The following ADAM10 variants were observed in gnomAD, a reference collection of about 807,000 sequenced individuals.
The protein encoded by ADAM10 is disintegrin and metalloproteinase domain-containing protein 10.
In ADAM10, 17 loss-of-function variants were observed where a neutral mutation model predicts 90.1. That is an observed-to-expected ratio of 0.19 (90% CI 0.13 to 0.28). ADAM10 has a LOEUF of 0.28. Among genes scored for constraint, ADAM10 ranks in the 10% least tolerant of loss-of-function variants. The pLI is 1.00. For synonymous variants in ADAM10, 310 were observed against 298.6 expected, an observed-to-expected ratio of 1.04 and a Z score of -0.40; for missense variants, 610 against 914.3, an observed-to-expected ratio of 0.67 and a Z score of 4.29.
chr15:58,687,363 T>A lies in ADAM10; in HGVS notation c.207-5049A>T, dbSNP rs147310847. Among the ~76,000 whole-genome samples, 36 of 152,356 alleles carry A rather than the reference T, an allele frequency of 2.4e-4. No individual in the cohort carries two copies. The East Asian group carries it at 6.9e-3, about 29-fold the overall frequency. ...ACTTAAAGAAATACAGAATTTCATA[T>A]ATTTAAAAATGTTTAAAATGTGACC... On this transcript the variant is annotated intron_variant, in intron 2 of 15. Coordinates refer to ENST00000260408, the MANE Select transcript of ADAM10 (RefSeq NM_001110.4).
intron 2 of ADAM10, among the ~76,000 whole-genome samples, chr15:58,691,891 G>C (rs1057371183): frequency 1.3e-5 from 2 of 151,830 alleles, no homozygotes; most frequent in Non-Finnish European, 2.9e-5. Flanking sequence ...GACCAGGCTG[G>C]TCTTGAACTC....
chr15:58,718,743 T>A (rs1898747328), intron 1 of ADAM10, among the ~76,000 whole-genome samples: 1 of 152,192 alleles, frequency 6.6e-6, no homozygotes, highest in South Asian at 2.1e-4. Flanking sequence ...ATGGGCTGAT[T>A]AGAGCTCTGC....
intron 2 of ADAM10, among the ~76,000 whole-genome samples, chr15:58,687,662 A>T (rs1178938481): frequency 6.0e-5 from 5 of 83,122 alleles, no homozygotes; most frequent in South Asian, 4.6e-4. Flanking sequence ...ATACTTTTTA[A>T]AAAAAAAATA....
intron 1 of ADAM10, chr15:58,732,500 G>A (rs1362644554): frequency 1.3e-5 from 2 of 152,172 alleles, no homozygotes; most frequent in South Asian, 2.1e-4. Context: ...CTGAGGTCAG[G>A]GGTTCGAGAC....
At chr15:58,738,954 G>A (rs1424428730) in intron 1 of ADAM10, among the ~76,000 whole-genome samples, 1 of 151,938 alleles carries the variant, frequency 6.6e-6, no homozygotes, top group African/African-American at 2.4e-5. Context: ...CCTCACTTTT[G>A]ATATACATCT....
intron 14 of ADAM10, among the ~76,000 whole-genome samples, chr15:58,605,926 AT>A (rs1895259023): frequency 1.3e-5 from 2 of 152,194 alleles, no homozygotes; most frequent in African/African-American, 4.8e-5. Flanking sequence ...AAGAACCTAT[AT>A]GGTAACAAAA....
chr15:58,644,033 T>A, intron 6 of ADAM10, 55 bp from the exon 7 acceptor site: 1 of 1,356,670 alleles, frequency 7.4e-7, no homozygotes, highest in South Asian at 1.2e-5. Context: ...TGAAAAAGAT[T>A]ATAAATTTCC....
intron 2 of ADAM10, among the ~76,000 whole-genome samples, chr15:58,712,523 CAAA>C (rs35146640): frequency 7.5e-6 from 1 of 132,528 alleles, no homozygotes; most frequent in Admixed American, 7.6e-5. Context: ...GGCCCTGTTT[CAAA>C]AAAAAAAAAA....
At chr15:58,672,024 T>C (rs1163806721) in intron 4 of ADAM10, among the ~76,000 whole-genome samples, 1 of 151,440 alleles carries the variant, frequency 6.6e-6, no homozygotes, top group Non-Finnish European at 1.5e-5. Flanking sequence ...CCTTTTACAA[T>C]ACTAAAATTA....
At chr15:58,691,267 G>A in intron 2 of ADAM10, 2 of 1,164,516 alleles carry the variant, frequency 1.7e-6, no homozygotes, top group East Asian at 2.4e-5. Context: ...TCATCCTCAG[G>A]TAGCTCCAGA....
chr15:58,621,416 A>G, intron 11 of ADAM10, 55 bp downstream of exon 11: 2 of 1,602,786 alleles, frequency 1.2e-6, no homozygotes, highest in East Asian at 2.2e-5. Flanking sequence ...ATTTGTCATA[A>G]CTGCATTGAG....
In ADAM10 at chr15:58,597,052, T is replaced by C. The variant is rs201795170; in HGVS notation, c.*495A>G. ...TCCATATTGCAATTTCTGTTTACAA[T>C]TGCACACAGAAGTACAGTGTACGTA... On this transcript the variant is annotated 3_prime_UTR_variant, in exon 16 of 16. Transcript: ENST00000260408. 4 of 188,764 alleles carry C rather than the reference T, an allele frequency of 2.1e-5. No individual in the cohort carries two copies. Among genetic ancestry groups the C allele is most frequent in the South Asian group, 1.1e-4 (1 of 9,416 alleles). 11.7% of individuals were successfully genotyped at this position (188,764 alleles called of 1,614,324 possible).
At chr15:58,598,582 G>A (rs1170996664) in intron 15 of ADAM10, among the ~76,000 whole-genome samples, 2 of 152,214 alleles carry the variant, frequency 1.3e-5, no homozygotes, top group African/African-American at 4.8e-5. Flanking sequence ...GGATTTGCCT[G>A]AGGCAAGACA....
chr15:58,713,337 CTCAAG>C (rs1898537265), intron 2 of ADAM10, among the ~76,000 whole-genome samples: 1 of 152,114 alleles, frequency 6.6e-6, no homozygotes, highest in African/African-American at 2.4e-5. Context: ...AACTGCTGGG[CTCAAG>C]TGATCCTTTC....
intron 2 of ADAM10, 106 bp from the exon 3 acceptor site, chr15:58,682,420 A>G: frequency 6.8e-7 from 1 of 1,468,160 alleles, no homozygotes; most frequent in Non-Finnish European, 9.0e-7. Flanking sequence ...CTGTTATGAA[A>G]TTTGTCTATT....
At position 58,749,491 on chromosome 15, in the gene ADAM10, G is replaced by A; in HGVS notation, c.44C>T (p.Ala15Val). Residue 15 changes from alanine (A) to valine (V), a missense_variant, in exon 1 of 16, where the codon GCG becomes GTG. This residue lies in a region of ADAM10 where 310 missense variants were observed against 362.4 expected (regional missense o/e 0.86). Transcript: ENST00000260408. Reference sequence around the variant, plus strand: ...CAGTCGTGCCTCACCTCCCATCCCCGCCGCCCAGGAGAGGAGCAGAATTAA... The same window carrying A: ...CAGTCGTGCCTCACCTCCCATCCCCACCGCCCAGGAGAGGAGCAGAATTAA... ...RVLILLLSWA[A>V]GMGGQYGNPL... is the part of the protein sequence containing the mutation. The A allele has an allele frequency of 1.9e-6, 3 of 1,549,786 alleles. No homozygotes were observed. Among genetic ancestry groups the A allele is most frequent in the Non-Finnish European group, 2.6e-6 (3 of 1,146,622 alleles).
At position 58,611,946 on chromosome 15, in the gene ADAM10, T is replaced by C; in HGVS notation, c.1557A>G (p.Ser519=). Residue 519 remains serine (S), a synonymous_variant, in exon 12 of 16, where the codon TCA becomes TCG. Transcript: ENST00000260408. ...PCCTAQCAFK[S]KSEKCRDDSD... is the part of the protein sequence containing the mutation. ...AATCATCCCGACACTTCTCAGACTT[T>C]GACTTGAATGCACACTGTGCTGTAC... 6.2e-7 allele frequency: 1 copy of C among 1,614,206 alleles called. No individual in the cohort carries two copies. Among genetic ancestry groups the C allele is most frequent in the Non-Finnish European group, 8.5e-7 (1 of 1,180,032 alleles).
At chr15:58,734,791 T>A (rs1461537113) in intron 1 of ADAM10, among the ~76,000 whole-genome samples, 1 of 151,764 alleles carries the variant, frequency 6.6e-6, no homozygotes, top group African/African-American at 2.4e-5. Context: ...GACGTCTACC[T>A]CTAAGATGGG....
At chr15:58,635,321 A>C (rs985701456) in intron 8 of ADAM10, among the ~76,000 whole-genome samples, 4 of 151,310 alleles carry the variant, frequency 2.6e-5, no homozygotes, top group Admixed American at 2.6e-4. Context: ...TACAAATAAC[A>C]TGCCCCACCA....
Sources: gnomAD v4.1 joint callset for allele counts (sites outside exome capture counted in the v4.1 genomes callset) on GRCh38, gnomAD v4.1.1 for gene constraint, gnomAD v4.1.1 regional missense constraint, MANE v1.5 for transcripts, NCBI Gene and HGNC (gene_info 2026-07-23, HGNC 2026-07-21) for gene names.